Variants in WDHD1 observed in about 807,000 individuals in gnomAD.
WDHD1 encodes the protein WD repeat and HMG-box DNA-binding protein 1.
A neutral mutation model predicts 135.4 loss-of-function variants in WDHD1; 111 were observed. The ratio of observed to expected loss-of-function variants is 0.82; its 90% CI spans 0.70 to 0.96. The LOEUF (loss-of-function observed/expected upper bound fraction) is 0.96, where lower values mean the gene tolerates loss of function less well. Among genes scored for constraint, WDHD1 ranks in the 40% least tolerant of loss-of-function variants. The probability of loss-of-function intolerance (pLI) is 0.00; values close to 1 mark genes in which losing one functional copy is unlikely to be tolerated. For missense variants in WDHD1, 1,351 were observed against 1,336.3 expected (o/e 1.01, Z -0.17); for synonymous variants, 434 against 439.0 (o/e 0.99, Z 0.14).
At chr14:55,003,476 C>G (rs1348086913) in intron 7 of WDHD1, among the ~76,000 whole-genome samples, 1 of 151,698 alleles carries the variant, frequency 6.6e-6, no homozygotes, top group Non-Finnish European at 1.5e-5. Flanking sequence ...GATCATGCCA[C>G]TGCACTCCAG....
intron 3 of WDHD1, among the ~76,000 whole-genome samples, chr14:55,012,854 C>T (rs555154181): frequency 1.3e-5 from 2 of 152,136 alleles, no homozygotes; most frequent in East Asian, 1.9e-4. Flanking sequence ...CTCAGTAGAC[C>T]CCACCTCCCA....
At chr14:55,021,550 AT>A (rs1439536680) in intron 2 of WDHD1, among the ~76,000 whole-genome samples, 1 of 151,950 alleles carries the variant, frequency 6.6e-6, no homozygotes, top group African/African-American at 2.4e-5. Context: ...TACCCAGCCA[AT>A]TTTTTATGTT....
intron 20 of WDHD1, 30 bp downstream of exon 20, chr14:54,962,708 A>G: frequency 1.2e-6 from 2 of 1,609,658 alleles, no homozygotes; most frequent in African/African-American, 1.3e-5. Flanking sequence ...GATAGTTCTC[A>G]TGATTTATGG....
intron 10 of WDHD1, among the ~76,000 whole-genome samples, chr14:54,997,702 G>A (rs2041907458): frequency 6.6e-6 from 1 of 151,584 alleles, no homozygotes; most frequent in African/African-American, 2.4e-5. Flanking sequence ...CACGAGGTCA[G>A]GAGATCGAGA....
chr14:54,957,834 C>T (rs17128093), intron 21 of WDHD1, among the ~76,000 whole-genome samples, 199 bp from the exon 22 acceptor site: 4,383 of 152,308 alleles, frequency 0.029, 199 homozygotes, highest in African/African-American at 0.1. Flanking sequence ...ACCACCCCAA[C>T]GTGCCACTAT....
intron 2 of WDHD1, among the ~76,000 whole-genome samples, chr14:55,014,090 T>C (rs1323718398): frequency 6.6e-6 from 1 of 152,238 alleles, no homozygotes; most frequent in Non-Finnish European, 1.5e-5. Flanking sequence ...AATACTCTAG[T>C]TCTTCTTTGG....
intron 25 of WDHD1, among the ~76,000 whole-genome samples, chr14:54,943,673 C>G (rs963586783): frequency 6.6e-6 from 1 of 152,206 alleles, no homozygotes; most frequent in African/African-American, 2.4e-5. Context: ...GCTAGGATTA[C>G]AGGCTTGAGC....
intron 16 of WDHD1, among the ~76,000 whole-genome samples, chr14:54,967,840 C>T (rs112522682): frequency 0.071 from 10,763 of 152,170 alleles, 609 homozygotes; most frequent in Non-Finnish European, 0.11. Flanking sequence ...AGGCTGGACT[C>T]GAACTCCTGG....
chr14:54,976,857 AAC>A lies in WDHD1; in HGVS notation c.2063+4681_2063+4682del, dbSNP rs200268686. The stretch of plus-strand genomic sequence containing the variant: ...AGCCAGGAAAATATGAAAATATGAA[AAC>A]AGTCTGCAGTTATCAATTTATCACA... On this transcript the variant is annotated intron_variant, in intron 16 of 25. Transcript: ENST00000360586. 6.3e-3 allele frequency among the ~76,000 whole-genome samples: 961 copies of A among 152,290 alleles called. 9 individuals are homozygous for A. The highest frequency in any genetic ancestry group is 0.022 in the African/African-American group (905 of 41,588).
intron 21 of WDHD1, among the ~76,000 whole-genome samples, chr14:54,957,929 T>C (rs1217498496): frequency 6.6e-6 from 1 of 152,148 alleles, no homozygotes; most frequent in Non-Finnish European, 1.5e-5. Flanking sequence ...TAGTAATCCC[T>C]TTACTTGTGT....
At position 55,011,047 on chromosome 14, in the gene WDHD1, T is replaced by C. The variant is rs931812367; in HGVS notation, c.190-587A>G. The stretch of plus-strand genomic sequence containing the variant: ...GGGAAGAGCCAACCATGACGACACC[T>C]TGATTTCAGACTTCTTGCCTTCTGA... On this transcript the variant is annotated intron_variant, in intron 3 of 25. Coordinates refer to ENST00000360586, the MANE Select transcript of WDHD1 (RefSeq NM_007086.4). Among the ~76,000 whole-genome samples, 8 of 152,334 alleles carry C rather than the reference T, an allele frequency of 5.3e-5. No homozygotes were observed. In the East Asian group the frequency reaches 1.3e-3, roughly 26 times the overall value.
At chr14:55,000,668 A>G in intron 9 of WDHD1, 24 bp from the exon 10 acceptor site, 1 of 1,505,128 alleles carries the variant, frequency 6.6e-7, no homozygotes, top group Non-Finnish European at 8.9e-7. Flanking sequence ...AGTAGGTTCT[A>G]AAAATACTGT....
rs938830123 is a variant in WDHD1, at chr14:54,941,078, A to C, written c.*412T>G. On this transcript the variant is annotated 3_prime_UTR_variant, in exon 26 of 26. Coordinates refer to ENST00000360586, the MANE Select transcript of WDHD1 (RefSeq NM_007086.4). ...CTAGTAGAAACATATAGAGAAGTCT[A>C]TGCTAACACACTTGGAAAGAGGACT... 3 of 155,820 alleles carry C rather than the reference A, an allele frequency of 1.9e-5. No homozygotes were observed. The highest frequency in any genetic ancestry group is 4.3e-5 in the Non-Finnish European group (3 of 70,542). The allele number at this position is 155,820 out of a possible 1,614,324, so 9.7% of individuals were successfully genotyped here. A position where few individuals can be genotyped will look rare whatever the true frequency, so the allele number is the denominator to read the frequency against.
At chr14:55,026,394 C>T (rs917997783) in intron 2 of WDHD1, among the ~76,000 whole-genome samples, 1 of 151,906 alleles carries the variant, frequency 6.6e-6, no homozygotes, top group Non-Finnish European at 1.5e-5. Context: ...CAGAACAGGC[C>T]ACTGAATTTG....
In WDHD1 at chr14:54,994,861, T is replaced by C. The variant is rs554947835; in HGVS notation, c.1153+742A>G. Among the ~76,000 whole-genome samples the C allele has an allele frequency of 2.6e-5, 4 of 152,276 alleles. No homozygotes were observed. The South Asian group carries it at 8.3e-4, about 32-fold the overall frequency. ...CTACATGTGGCTAGTGGCTACTATA[T>C]ATTGGATAGCACAAATCTACAGATC... is the stretch of plus-strand genomic sequence containing the variant. On this transcript the variant is annotated intron_variant, in intron 11 of 25. Transcript: ENST00000360586.
At chr14:54,971,892 A>G (rs2041439931) in intron 16 of WDHD1, among the ~76,000 whole-genome samples, 1 of 152,150 alleles carries the variant, frequency 6.6e-6, no homozygotes, top group African/African-American at 2.4e-5. Flanking sequence ...ACTTTTCAAA[A>G]GAAGACATAC....
Position 54,972,557 on chromosome 14 carries a change from A to C in WDHD1, c.2064-5163T>G, listed in dbSNP as rs1009855895. On this transcript the variant is annotated intron_variant, in intron 16 of 25. Transcript: ENST00000360586. The stretch of plus-strand genomic sequence containing the variant: ...GGCAATAAAGCAAGACTGTCACAAA[A>C]AAAAAAAAAAAAAAAAAAAAAAAAA... Among the ~76,000 whole-genome samples the C allele has an allele frequency of 5.5e-3, 345 of 62,396 alleles. 7 individuals carry two copies. The highest frequency in any genetic ancestry group is 0.028 in the African/African-American group (328 of 11,606). 40.9% of individuals were successfully genotyped at this position (62,396 alleles called of 152,430 possible). A position where few individuals can be genotyped will look rare whatever the true frequency, so the allele number is the denominator to read the frequency against.
intron 19 of WDHD1, 48 bp downstream of exon 19, chr14:54,962,904 A>G: frequency 6.2e-7 from 1 of 1,611,548 alleles, no homozygotes; most frequent in Non-Finnish European, 8.5e-7. Flanking sequence ...GACCAACTTA[A>G]CATTCAAGAC....
intron 21 of WDHD1, among the ~76,000 whole-genome samples, chr14:54,957,858 T>G (rs1162855087): frequency 1.3e-5 from 2 of 152,210 alleles, no homozygotes; most frequent in African/African-American, 4.8e-5. Flanking sequence ...ACATATTCAG[T>G]ATGTACAGAT....
Sources: gnomAD v4.1 joint callset for allele counts (sites outside exome capture counted in the v4.1 genomes callset) on GRCh38, gnomAD v4.1.1 for gene constraint, MANE v1.5 for transcripts, NCBI Gene and HGNC (gene_info 2026-07-23, HGNC 2026-07-21) for gene names.